Variants in SLIT2 observed in about 807,000 individuals in gnomAD.
SLIT2 encodes the protein slit homolog 2 protein.
Under a neutral mutation model 185.7 loss-of-function variants are expected in SLIT2, and 41 were observed. The ratio of observed to expected loss-of-function variants is 0.22; its 90% CI spans 0.17 to 0.29. The LOEUF is 0.29. Ranked by LOEUF, SLIT2 falls within the 10% of genes least tolerant of loss-of-function variation. SLIT2 has a pLI of 1.00. For synonymous variants in SLIT2, 693 were observed against 680.2 expected (o/e 1.02, Z -0.29); for missense variants, 1,571 against 1,909.0 (o/e 0.82, Z 3.30).
chr4:20,310,877 T>C (rs1718044121), intron 4 of SLIT2, among the ~76,000 whole-genome samples: 1 of 152,216 alleles, frequency 6.6e-6, no homozygotes. Context: ...CTCAATTTTT[T>C]AAATTAGTTA....
chr4:20,509,014 G>A (rs952046126), intron 9 of SLIT2, among the ~76,000 whole-genome samples: 6 of 151,310 alleles, frequency 4.0e-5, no homozygotes, highest in Admixed American at 6.6e-5. Context: ...TAAATGTTAC[G>A]CGTGTGTGTG....
At chr4:20,369,940 A>G (rs1370566066) in intron 4 of SLIT2, among the ~76,000 whole-genome samples, 1 of 152,100 alleles carries the variant, frequency 6.6e-6, no homozygotes, top group African/African-American at 2.4e-5. Context: ...AAGACTTAGT[A>G]TCTGGAAAGA....
chr4:20,617,160 C>G lies in SLIT2; in HGVS notation c.4098C>G (p.Leu1366=), dbSNP rs1333261524. ...CECQEGWMGP[L]CDQRTNDPCL... ...GCCAGGAAGGATGGATGGGGCCCCT[C>G]TGTGACCAACGGACCAATGACCCTT... The change falls in exon 35 of 37, where the codon CTC becomes CTG. Residue 1366 remains leucine (L), a synonymous_variant. Transcript: ENST00000504154. 6.2e-7 allele frequency: 1 copy of G among 1,603,492 alleles called. No homozygotes were observed. Among genetic ancestry groups the G allele is most frequent in the Non-Finnish European group, 8.5e-7 (1 of 1,172,110 alleles).
chr4:20,524,396 T>C lies in SLIT2; in HGVS notation c.1438+219T>C, dbSNP rs536956523. ...CATATACAGCAGAAGAAATAGGCAA[T>C]TGACCAAGTTAAAAAGATGCCTAGA... On this transcript the variant is annotated intron_variant, in intron 14 of 36. Coordinates refer to ENST00000504154, the MANE Select transcript of SLIT2 (RefSeq NM_004787.4). 2.3e-4 allele frequency among the ~76,000 whole-genome samples: 35 copies of C among 152,302 alleles called. No homozygotes were observed. In the South Asian group the frequency reaches 7.0e-3, roughly 31 times the overall value.
rs111731319 is a variant in SLIT2 at position 20,268,338 on chromosome 4, C to CT, written c.324-460dup. Among the ~76,000 whole-genome samples, 160 of 144,052 alleles carry CT rather than the reference C, an allele frequency of 1.1e-3. 1 individual carries two copies. The highest frequency in any genetic ancestry group is 3.5e-3 in the Middle Eastern group (1 of 282). The allele number at this position is 144,052 out of a possible 152,430, so 94.5% of individuals were successfully genotyped here. A position where few individuals can be genotyped will look rare whatever the true frequency, so the allele number is the denominator to read the frequency against. ...AAATCATGCTGACAATTTCTCACAC[C>CT]TTTTTTTTTTTTCCTCCCAACTAAA... is the stretch of plus-strand genomic sequence containing the variant. On this transcript the variant is annotated intron_variant, in intron 3 of 36. Coordinates refer to ENST00000504154, the MANE Select transcript of SLIT2 (RefSeq NM_004787.4).
chr4:20,367,106 G>A (rs2109307575), intron 4 of SLIT2, among the ~76,000 whole-genome samples: 2 of 152,198 alleles, frequency 1.3e-5, no homozygotes, highest in South Asian at 4.1e-4. Flanking sequence ...GATGTTTTAT[G>A]TTTTAAATTT....
chr4:20,351,935 A>G (rs1459842845), intron 4 of SLIT2, among the ~76,000 whole-genome samples: 1 of 152,120 alleles, frequency 6.6e-6, no homozygotes, highest in Non-Finnish European at 1.5e-5. Flanking sequence ...TTGTCTCAGC[A>G]TTTATTCTTG....
intron 4 of SLIT2, among the ~76,000 whole-genome samples, chr4:20,433,529 A>G (rs902622887): frequency 6.6e-6 from 1 of 152,206 alleles, no homozygotes; most frequent in Non-Finnish European, 1.5e-5. Context: ...TCATGTCACA[A>G]TAAAACGTCA....
chr4:20,340,659 G>A (rs980095263), intron 4 of SLIT2, among the ~76,000 whole-genome samples: 15 of 152,052 alleles, frequency 9.9e-5, no homozygotes, highest in African/African-American at 3.4e-4. Flanking sequence ...GGAGTGCAGC[G>A]GCGAGATCTC....
intron 33 of SLIT2, among the ~76,000 whole-genome samples, chr4:20,602,576 G>A (rs188776639): frequency 7.2e-4 from 110 of 152,210 alleles, no homozygotes; most frequent in Non-Finnish European, 1.1e-3. Context: ...TAAAATACAG[G>A]CGTTGGGCAC....
intron 8 of SLIT2, among the ~76,000 whole-genome samples, chr4:20,489,351 C>T (rs1352593669): frequency 2.0e-5 from 3 of 152,130 alleles, no homozygotes; most frequent in Non-Finnish European, 4.4e-5. Flanking sequence ...TGGATCCCTG[C>T]TATGAAATTC....
chr4:20,354,897 G>A (rs1235490127), intron 4 of SLIT2, among the ~76,000 whole-genome samples: 4 of 120,696 alleles, frequency 3.3e-5, no homozygotes, highest in African/African-American at 1.3e-4. Flanking sequence ...GTGTGTGTGT[G>A]TGTGTGTGTG....
chr4:20,439,212 C>T (rs953819262), intron 4 of SLIT2, among the ~76,000 whole-genome samples: 11 of 152,172 alleles, frequency 7.2e-5, no homozygotes, highest in East Asian at 3.8e-4. Flanking sequence ...ATGTAAGACA[C>T]ATAGAGGTGA....
intron 5 of SLIT2, 136 bp downstream of exon 5, chr4:20,467,959 C>G: frequency 2.2e-6 from 1 of 463,314 alleles, no homozygotes; most frequent in Non-Finnish European, 3.9e-6. Context: ...GACCTTGTAA[C>G]AGTAAGTTGT....
intron 18 of SLIT2, among the ~76,000 whole-genome samples, chr4:20,535,434 C>T (rs923023942): frequency 1.3e-5 from 2 of 151,950 alleles, no homozygotes; most frequent in African/African-American, 4.8e-5. Flanking sequence ...CAGAAGGCTC[C>T]CTTTTCAAAC....
chr4:20,595,571 T>TG, intron 30 of SLIT2, 126 bp from the exon 31 acceptor site: 3 of 1,139,400 alleles, frequency 2.6e-6, no homozygotes, highest in Non-Finnish European at 3.8e-6. Flanking sequence ...TCCATTAATG[T>TG]GGGGGCTCTA....
chr4:20,520,957 A>C (rs575072869), intron 12 of SLIT2, among the ~76,000 whole-genome samples: 45 of 152,326 alleles, frequency 3.0e-4, no homozygotes, highest in African/African-American at 1.1e-3. Flanking sequence ...ATTTGATAAA[A>C]TTATGCTATT....
intron 4 of SLIT2, chr4:20,393,344 C>T (rs1725593643): frequency 6.6e-6 from 1 of 152,052 alleles, no homozygotes; most frequent in Admixed American, 6.6e-5. Flanking sequence ...CTCCCATTCC[C>T]CCCAGAATCC....
At position 20,404,274 on chromosome 4, in the gene SLIT2, C is replaced by T. The variant is rs75324859; in HGVS notation, c.396-63478C>T. 6.9e-3 allele frequency among the ~76,000 whole-genome samples: 1,053 copies of T among 152,020 alleles called. 21 individuals carry two copies. Among genetic ancestry groups the T allele is most frequent in the African/African-American group, 0.024 (996 of 41,484 alleles). On this transcript the variant is annotated intron_variant, in intron 4 of 36. Coordinates refer to ENST00000504154, the MANE Select transcript of SLIT2 (RefSeq NM_004787.4). ...TTCTAGGCTATGATTTAAACGTCCC[C>T]TATATTACAATCTCACATATTTTCT...
Sources: gnomAD v4.1 joint callset for allele counts (sites outside exome capture counted in the v4.1 genomes callset) on GRCh38, gnomAD v4.1.1 for gene constraint, MANE v1.5 for transcripts, NCBI Gene and HGNC (gene_info 2026-07-23, HGNC 2026-07-21) for gene names.